BTRC: variants seen among roughly 807,000 people sequenced by gnomAD.
The protein encoded by BTRC is F-box/WD repeat-containing protein 1A.
In BTRC, 42 loss-of-function variants were observed where a neutral mutation model predicts 85.5. The observed-to-expected ratio is 0.49, with a 90% confidence interval of 0.38 to 0.64. BTRC has a LOEUF of 0.64. Among genes scored for constraint, BTRC ranks in the 30% least tolerant of loss-of-function variants. The probability of loss-of-function intolerance (pLI) is 0.00; values close to 1 mark genes in which losing one functional copy is unlikely to be tolerated. For synonymous variants in BTRC, 255 were observed against 263.3 expected, an observed-to-expected ratio of 0.97 and a Z score of 0.30; for missense variants, 594 against 743.5, an observed-to-expected ratio of 0.80 and a Z score of 2.34.
chr10:101,532,214 CATTG>C lies in BTRC; in HGVS notation c.841-76_841-73del, dbSNP rs1366198906. The C allele has an allele frequency of 3.5e-5, 51 of 1,439,392 alleles. No homozygotes were observed. In the Middle Eastern group the frequency reaches 6.0e-4, roughly 17 times the overall value. The allele number at this position is 1,439,392 out of a possible 1,614,324, so 89.2% of individuals were successfully genotyped here. ...TATCCCATAGAGTAAAGCATTGAGC[CATTG>C]ATTGTCATTAAAGCCTAAAAAGAGT... On this transcript the variant is annotated intron_variant, in intron 7 of 14. Coordinates refer to ENST00000370187, the MANE Select transcript of BTRC (RefSeq NM_033637.4).
intron 1 of BTRC, among the ~76,000 whole-genome samples, chr10:101,406,734 A>C (rs1022137335): frequency 6.7e-6 from 1 of 150,006 alleles, no homozygotes. Flanking sequence ...GGGTTTTGCC[A>C]TGTTGGCCAG....
chr10:101,508,131 A>C (rs1314608045), intron 4 of BTRC, among the ~76,000 whole-genome samples: 2 of 152,208 alleles, frequency 1.3e-5, no homozygotes, highest in African/African-American at 2.4e-5. Context: ...AATAATGAAA[A>C]ACTGCTTTGT....
Position 101,525,937 on chromosome 10 carries a change from T to C in BTRC, c.557-76T>C, listed in dbSNP as rs1051090038. On this transcript the variant is annotated intron_variant, in intron 5 of 14. Transcript: ENST00000370187. ...TCATAGCAGAACAAATGCTGTTCTG[T>C]TTTAAAGGACCTTTTGTAAAAAATC... 3.9e-5 allele frequency: 55 copies of C among 1,420,846 alleles called. 1 individual carries two copies. The South Asian group carries it at 5.4e-4, about 14-fold the overall frequency. The allele number at this position is 1,420,846 out of a possible 1,614,324, so 88.0% of individuals were successfully genotyped here.
intron 3 of BTRC, among the ~76,000 whole-genome samples, chr10:101,473,450 A>C (rs1589517069): frequency 7.8e-6 from 1 of 128,928 alleles, no homozygotes; most frequent in Admixed American, 7.8e-5. Context: ...TACCCAACTA[A>C]TTTTTCTTTT....
intron 1 of BTRC, among the ~76,000 whole-genome samples, chr10:101,373,890 C>T (rs1449224487): frequency 6.6e-6 from 1 of 150,914 alleles, no homozygotes; most frequent in Non-Finnish European, 1.5e-5. Flanking sequence ...TGCACTTCAG[C>T]CTGGGTGACA....
chr10:101,476,514 C>G (rs1037749816), intron 3 of BTRC, among the ~76,000 whole-genome samples: 5 of 151,968 alleles, frequency 3.3e-5, no homozygotes, highest in African/African-American at 1.2e-4. Context: ...ATTTGTTGCC[C>G]AGGCTGGAGT....
chr10:101,488,705 T>G (rs1040425172), intron 4 of BTRC, among the ~76,000 whole-genome samples: 4 of 152,154 alleles, frequency 2.6e-5, no homozygotes, highest in Admixed American at 2.6e-4. Flanking sequence ...ATAGGCTATG[T>G]AAATGAATTC....
At chr10:101,390,937 T>C (rs1315104649) in intron 1 of BTRC, among the ~76,000 whole-genome samples, 2 of 152,216 alleles carry the variant, frequency 1.3e-5, no homozygotes, top group Non-Finnish European at 2.9e-5. Context: ...AATTCATTTA[T>C]GTATTTTGAA....
chr10:101,434,303 A>G (rs1010948008), intron 2 of BTRC, among the ~76,000 whole-genome samples: 1 of 152,222 alleles, frequency 6.6e-6, no homozygotes, highest in African/African-American at 2.4e-5. Context: ...AGCCTTATCA[A>G]TGAACTTCCT....
At chr10:101,503,274 C>T (rs1352464637) in intron 4 of BTRC, among the ~76,000 whole-genome samples, 1 of 152,126 alleles carries the variant, frequency 6.6e-6, no homozygotes, top group East Asian at 1.9e-4. Context: ...ATGCATTTAT[C>T]CATCTATGCA....
At position 101,393,377 on chromosome 10, in the gene BTRC, CCAGT is replaced by C. The variant is rs527951760; in HGVS notation, c.49-36960_49-36957del. Among the ~76,000 whole-genome samples the C allele has an allele frequency of 2.4e-4, 36 of 152,260 alleles. No individual in the cohort carries two copies. The South Asian group carries it at 4.1e-3, about 18-fold the overall frequency. On this transcript the variant is annotated intron_variant, in intron 1 of 14. Transcript: ENST00000370187. ...GGATCATGGTAACCCCAACTTGAAG[CCAGT>C]CAGTCAGAAGCTCCAGAGGCCCAGA...
At chr10:101,392,239 A>G (rs1943254064) in intron 1 of BTRC, among the ~76,000 whole-genome samples, 1 of 152,134 alleles carries the variant, frequency 6.6e-6, no homozygotes, top group South Asian at 2.1e-4. Context: ...TGGCCTCCCA[A>G]ACTGCTGGGA....
At chr10:101,504,643 G>C (rs1156355400) in intron 4 of BTRC, among the ~76,000 whole-genome samples, 2 of 151,140 alleles carry the variant, frequency 1.3e-5, no homozygotes, top group Non-Finnish European at 2.9e-5. Context: ...TCCTCTCCTT[G>C]CGTTCCTCCT....
intron 2 of BTRC, among the ~76,000 whole-genome samples, chr10:101,440,779 G>A (rs1944659672): frequency 6.6e-6 from 1 of 152,102 alleles, no homozygotes; most frequent in Non-Finnish European, 1.5e-5. Context: ...AAATGTGAAA[G>A]GCAAGAGCTG....
chr10:101,546,628 C>T (rs1008613908), intron 13 of BTRC, among the ~76,000 whole-genome samples: 1 of 151,704 alleles, frequency 6.6e-6, no homozygotes, highest in Admixed American at 6.6e-5. Flanking sequence ...TCTACTAGAG[C>T]CAACTAAGAA....
chr10:101,463,819 G>A (rs901657478), intron 3 of BTRC, among the ~76,000 whole-genome samples: 15 of 151,858 alleles, frequency 9.9e-5, no homozygotes, highest in Admixed American at 7.9e-4. Context: ...GTGTTTAGAG[G>A]GAAAGTACTT....
intron 4 of BTRC, 85 bp from the exon 5 acceptor site, chr10:101,521,554 A>G: frequency 1.0e-6 from 1 of 957,528 alleles, no homozygotes; most frequent in Non-Finnish European, 1.6e-6. Flanking sequence ...TAGACATAAT[A>G]TAGCATGCCA....
At chr10:101,476,175 AT>A (rs1945682322) in intron 3 of BTRC, among the ~76,000 whole-genome samples, 1 of 151,924 alleles carries the variant, frequency 6.6e-6, no homozygotes, top group Non-Finnish European at 1.5e-5. Context: ...CAGTCTGTAG[AT>A]TAACTGATCA....
intron 1 of BTRC, among the ~76,000 whole-genome samples, chr10:101,429,164 A>G (rs558750459): frequency 2.8e-4 from 43 of 152,290 alleles, no homozygotes; most frequent in African/African-American, 9.9e-4. Context: ...CTGTTTTTAT[A>G]TGTGCCATGA....
Sources: gnomAD v4.1 joint callset for allele counts (sites outside exome capture counted in the v4.1 genomes callset) on GRCh38, gnomAD v4.1.1 for gene constraint, MANE v1.5 for transcripts, NCBI Gene and HGNC (gene_info 2026-07-23, HGNC 2026-07-21) for gene names.